The following COL14A1 variants were observed in gnomAD, a reference collection of about 807,000 sequenced individuals.
The protein encoded by COL14A1 is collagen alpha-1(XIV) chain.
In COL14A1, 136 loss-of-function variants were observed where a neutral mutation model predicts 230.3. The observed-to-expected ratio is 0.59, with a 90% CI of 0.51 to 0.68. COL14A1 has a LOEUF of 0.68. Ranked by LOEUF, COL14A1 falls within the 30% of genes least tolerant of loss-of-function variation. The pLI, the probability that COL14A1 is intolerant of heterozygous loss-of-function variation, is 0.00. For synonymous variants in COL14A1, 792 were observed against 784.1 expected, an observed-to-expected ratio of 1.01 and a Z score of -0.17; for missense variants, 1,976 against 2,215.8, an observed-to-expected ratio of 0.89 and a Z score of 2.17.
At chr8:120,306,325 A>G (rs1244011030) in intron 36 of COL14A1, among the ~76,000 whole-genome samples, 1 of 152,188 alleles carries the variant, frequency 6.6e-6, no homozygotes, top group Admixed American at 6.5e-5. Flanking sequence ...GAAGCAGCAG[A>G]GATGTGAAAG....
intron 5 of COL14A1, among the ~76,000 whole-genome samples, chr8:120,195,154 G>A (rs1816987395): frequency 6.6e-6 from 1 of 152,054 alleles, no homozygotes; most frequent in East Asian, 1.9e-4. Flanking sequence ...ATTTATATCT[G>A]GAAAAAGTCA....
intron 45 of COL14A1, among the ~76,000 whole-genome samples, chr8:120,354,435 C>G (rs949808386): frequency 6.7e-6 from 1 of 149,764 alleles, no homozygotes; most frequent in African/African-American, 2.5e-5. Context: ...CATACAATGT[C>G]TTTGATTAAC....
chr8:120,161,250 G>A (rs1001842081), intron 3 of COL14A1, among the ~76,000 whole-genome samples: 3 of 152,186 alleles, frequency 2.0e-5, no homozygotes, highest in African/African-American at 7.2e-5. Flanking sequence ...TCTGTATTAT[G>A]TTTGATTAAT....
At chr8:120,298,369 A>G (rs901911803) in intron 35 of COL14A1, among the ~76,000 whole-genome samples, 2 of 151,488 alleles carry the variant, frequency 1.3e-5, no homozygotes, top group African/African-American at 4.8e-5. Context: ...TTGGTGTACA[A>G]TTTTAGAACT....
intron 2 of COL14A1, among the ~76,000 whole-genome samples, chr8:120,154,288 A>G (rs1815390238): frequency 6.6e-6 from 1 of 152,196 alleles, no homozygotes; most frequent in Non-Finnish European, 1.5e-5. Flanking sequence ...TATGAAACAG[A>G]ATTTCGTAAA....
intron 36 of COL14A1, among the ~76,000 whole-genome samples, chr8:120,309,736 C>A (rs1820970287): frequency 6.6e-6 from 1 of 151,974 alleles, no homozygotes; most frequent in Non-Finnish European, 1.5e-5. Flanking sequence ...TAATGGTAGT[C>A]TTCTATAACC....
At chr8:120,205,598 G>T (rs572083665) in intron 9 of COL14A1, among the ~76,000 whole-genome samples, 1 of 152,086 alleles carries the variant, frequency 6.6e-6, no homozygotes, top group Non-Finnish European at 1.5e-5. Flanking sequence ...GTGTGAAATG[G>T]TTCTTTCTGG....
chr8:120,218,635 C>T (rs1283400080), intron 14 of COL14A1, among the ~76,000 whole-genome samples: 1 of 152,092 alleles, frequency 6.6e-6, no homozygotes, highest in Non-Finnish European at 1.5e-5. Flanking sequence ...TTTGTCTTCC[C>T]ATTTTGAGGA....
intron 1 of COL14A1, among the ~76,000 whole-genome samples, chr8:120,133,441 A>G (rs1814610396): frequency 6.6e-6 from 1 of 152,160 alleles, no homozygotes; most frequent in Non-Finnish European, 1.5e-5. Context: ...AATAATTCAC[A>G]ATGATCAAGT....
intron 1 of COL14A1, among the ~76,000 whole-genome samples, chr8:120,131,838 CTTTTTTTTTTTTT>C (rs1172286717): frequency 7.2e-5 from 5 of 68,982 alleles, no homozygotes; most frequent in Middle Eastern, 0.013. Context: ...TTCTTCCTTT[CTTTTTTTTTTTTT>C]TTTTTTTTTT....
chr8:120,137,617 A>G (rs536332369), intron 1 of COL14A1, among the ~76,000 whole-genome samples: 1 of 152,162 alleles, frequency 6.6e-6, no homozygotes, highest in Admixed American at 6.5e-5. Context: ...CTAATTCTTT[A>G]GCTGCATTCC....
chr8:120,193,401 C>T (rs1563662959), intron 5 of COL14A1, among the ~76,000 whole-genome samples: 1 of 152,186 alleles, frequency 6.6e-6, no homozygotes, highest in South Asian at 2.1e-4. Flanking sequence ...GATCGTTCCT[C>T]TGGAAGTTTT....
At chr8:120,330,798 T>C (rs1821835789) in intron 40 of COL14A1, among the ~76,000 whole-genome samples, 1 of 152,156 alleles carries the variant, frequency 6.6e-6, no homozygotes, top group African/African-American at 2.4e-5. Flanking sequence ...AATGTGAGTC[T>C]GGACAGACCT....
intron 26 of COL14A1, among the ~76,000 whole-genome samples, chr8:120,270,940 G>T (rs1819648200): frequency 6.6e-6 from 1 of 151,636 alleles, no homozygotes. Flanking sequence ...GTTCATTGTG[G>T]CAGTATTCAC....
chr8:120,129,653 G>C (rs1490740620), intron 1 of COL14A1, among the ~76,000 whole-genome samples: 1 of 152,196 alleles, frequency 6.6e-6, no homozygotes, highest in Non-Finnish European at 1.5e-5. Flanking sequence ...AAGCCTCTCT[G>C]TGCAAACCTA....
intron 31 of COL14A1, among the ~76,000 whole-genome samples, chr8:120,282,620 G>A (rs1293273850): frequency 1.3e-5 from 2 of 152,010 alleles, no homozygotes; most frequent in Non-Finnish European, 2.9e-5. Flanking sequence ...TCAAACGCAC[G>A]CTAAACTTGC....
chr8:120,182,754 T>A (rs1586744858), intron 5 of COL14A1, among the ~76,000 whole-genome samples: 1 of 133,842 alleles, frequency 7.5e-6, no homozygotes, highest in Non-Finnish European at 1.5e-5. Context: ...TGAGGTGGAG[T>A]CTCACTCTGT....
At chr8:120,370,534 C>T in intron 47 of COL14A1, 1 of 1,476,282 alleles carries the variant, frequency 6.8e-7, no homozygotes, top group East Asian at 2.5e-5. Context: ...CTCTTGCCCA[C>T]TCTGCTCCAA....
chr8:120,225,063 T>C, intron 14 of COL14A1, 25 bp from the exon 15 acceptor site: 1 of 1,602,378 alleles, frequency 6.2e-7, no homozygotes, highest in South Asian at 1.1e-5. Flanking sequence ...GATAGAGCTG[T>C]TATTATGACT....
Sources: allele counts gnomAD v4.1 joint callset (sites outside exome capture counted in the v4.1 genomes callset), GRCh38; gene constraint gnomAD v4.1.1; transcripts MANE v1.5; gene names NCBI Gene and HGNC (gene_info 2026-07-23, HGNC 2026-07-21).